TMEM229B: variants seen among roughly 807,000 people sequenced by gnomAD.
The protein encoded by TMEM229B is chromosome 14 open reading frame 83.
In TMEM229B, 6 loss-of-function variants were observed where a neutral mutation model predicts 13.7. The observed-to-expected ratio is 0.44, with a 90% confidence interval of 0.24 to 0.86. The LOEUF (loss-of-function observed/expected upper bound fraction) is 0.86. TMEM229B is among the 40% of genes least tolerant of loss of function. TMEM229B has a pLI of 0.23. For missense variants in TMEM229B, 170 were observed against 236.0 expected (o/e 0.72, Z 1.83); for synonymous variants, 107 against 102.1 (o/e 1.05, Z -0.29).
At chr14:67,504,998 T>G (rs2032767128) in intron 1 of TMEM229B, among the ~76,000 whole-genome samples, 1 of 152,208 alleles carries the variant, frequency 6.6e-6, no homozygotes, top group African/African-American at 2.4e-5. Context: ...GGATATTTTT[T>G]AAAGTTTTAA....
intron 1 of TMEM229B, among the ~76,000 whole-genome samples, chr14:67,530,991 C>T (rs969921113): frequency 2.6e-5 from 4 of 152,342 alleles, no homozygotes; most frequent in East Asian, 3.9e-4. Context: ...GTCCCCATCC[C>T]GGCCTCATCT....
chr14:67,499,206 G>A (rs568664992), intron 1 of TMEM229B, among the ~76,000 whole-genome samples: 1 of 152,104 alleles, frequency 6.6e-6, no homozygotes, highest in African/African-American at 2.4e-5. Flanking sequence ...GTCCTGCTAT[G>A]TTGCTCAGGC....
chr14:67,520,272 AT>A (rs2033271683), upstream of TMEM229B, among the ~76,000 whole-genome samples: 4 of 152,216 alleles, frequency 2.6e-5, no homozygotes, highest in African/African-American at 4.8e-5. Flanking sequence ...ATTGACATGT[AT>A]CCACCATTTA....
At chr14:67,504,083 G>A (rs1281359293) in intron 1 of TMEM229B, among the ~76,000 whole-genome samples, 4 of 146,680 alleles carry the variant, frequency 2.7e-5, no homozygotes, top group South Asian at 2.2e-4. Flanking sequence ...GTGCGATCTC[G>A]GCTCACTGCA....
intron 1 of TMEM229B, among the ~76,000 whole-genome samples, chr14:67,530,339 C>T (rs2033426083): frequency 6.6e-6 from 1 of 152,188 alleles, no homozygotes; most frequent in Non-Finnish European, 1.5e-5. Context: ...GCAACTGCCC[C>T]AAGGTCCCAC....
chr14:67,491,894 C>CG (rs1456586489), upstream of TMEM229B, among the ~76,000 whole-genome samples: 1 of 152,172 alleles, frequency 6.6e-6, no homozygotes, highest in Non-Finnish European at 1.5e-5. Flanking sequence ...GCCCAGGCCG[C>CG]GGGGGCCTGC....
chr14:67,533,599 G>C (rs1166524142), intron 1 of TMEM229B: 1 of 152,092 alleles, frequency 6.6e-6, no homozygotes, highest in East Asian at 1.9e-4. Flanking sequence ...CAGGGGACTC[G>C]CGCCGCGAGG....
upstream of TMEM229B, among the ~76,000 whole-genome samples, chr14:67,493,068 A>C (rs2032231081): frequency 6.6e-6 from 1 of 152,186 alleles, no homozygotes; most frequent in South Asian, 2.1e-4. Flanking sequence ...CGTGCAAAGA[A>C]CTTTGGGAAA....
chr14:67,497,891 C>T (rs2032455142), intron 1 of TMEM229B, among the ~76,000 whole-genome samples: 1 of 151,974 alleles, frequency 6.6e-6, no homozygotes, highest in African/African-American at 2.4e-5. Flanking sequence ...TGACTGCATC[C>T]TTCTGCCTTC....
chr14:67,490,358 G>A (rs1194870838), upstream of TMEM229B, among the ~76,000 whole-genome samples: 1 of 152,172 alleles, frequency 6.6e-6, no homozygotes, highest in Non-Finnish European at 1.5e-5. Flanking sequence ...GCACAATACA[G>A]AAGGCATGTC....
upstream of TMEM229B, among the ~76,000 whole-genome samples, chr14:67,518,294 C>T (rs2033238538): frequency 6.6e-6 from 1 of 152,252 alleles, no homozygotes; most frequent in South Asian, 2.1e-4. Context: ...ACTCTCCATC[C>T]TAGTTGGATG....
At chr14:67,530,156 G>C (rs534224434) in intron 1 of TMEM229B, among the ~76,000 whole-genome samples, 1 of 152,220 alleles carries the variant, frequency 6.6e-6, no homozygotes, top group East Asian at 1.9e-4. Context: ...AAGATCTCTC[G>C]TAAACTCCAG....
intron 1 of TMEM229B, chr14:67,503,549 G>A (rs1339242062): frequency 6.6e-6 from 1 of 152,206 alleles, no homozygotes; most frequent in African/African-American, 2.4e-5. Context: ...GCTGCCCACT[G>A]CCCTGCGGGA....
upstream of TMEM229B, among the ~76,000 whole-genome samples, chr14:67,518,307 T>C (rs1430345143): frequency 6.6e-6 from 1 of 152,238 alleles, no homozygotes; most frequent in African/African-American, 2.4e-5. Context: ...GTTGGATGTC[T>C]TAAGGAAGTT....
intron 1 of TMEM229B, among the ~76,000 whole-genome samples, chr14:67,524,826 C>T (rs1005969024): frequency 6.6e-6 from 1 of 152,162 alleles, no homozygotes; most frequent in African/African-American, 2.4e-5. Context: ...TGTGAGGCCC[C>T]TCTGATCTGA....
chr14:67,512,186 C>T (rs10134444), intron 1 of TMEM229B, among the ~76,000 whole-genome samples: 59,073 of 152,092 alleles, frequency 0.39, 12,293 homozygotes, highest in Non-Finnish European at 0.46. Context: ...TCACACACCA[C>T]AGCCAGTGTG....
At chr14:67,520,620 A>G (rs1194514894) in intron 1 of TMEM229B, among the ~76,000 whole-genome samples, 1 of 152,234 alleles carries the variant, frequency 6.6e-6, no homozygotes, top group African/African-American at 2.4e-5. Flanking sequence ...AATTATGGCA[A>G]TTAAGAATAA....
upstream of TMEM229B, among the ~76,000 whole-genome samples, chr14:67,491,475 A>C (rs1244725662): frequency 1.3e-5 from 2 of 152,174 alleles, no homozygotes; most frequent in Non-Finnish European, 2.9e-5. Context: ...CAGTAACTTC[A>C]TTAGCATAAA....
intron 1 of TMEM229B, among the ~76,000 whole-genome samples, chr14:67,495,569 G>A (rs536733102): frequency 9.9e-5 from 15 of 151,026 alleles, no homozygotes; most frequent in Non-Finnish European, 1.3e-4. Context: ...TGCAACCTCC[G>A]CCTCCCAGAT....
Sources: allele counts gnomAD v4.1 joint callset (sites outside exome capture counted in the v4.1 genomes callset), GRCh38; gene constraint gnomAD v4.1.1; transcripts MANE v1.5; gene names NCBI Gene and HGNC (gene_info 2026-07-23, HGNC 2026-07-21).